Variants in OPRM1 observed in about 807,000 individuals in gnomAD.
OPRM1 encodes mu-type opioid receptor.
Under a neutral mutation model 31.8 loss-of-function variants are expected in OPRM1, and 27 were observed. The ratio of observed to expected loss-of-function variants is 0.85; its 90% CI spans 0.63 to 1.17. The LOEUF (loss-of-function observed/expected upper bound fraction) is 1.17. Among genes scored for constraint, OPRM1 ranks in the 50% most tolerant of loss-of-function variants. The pLI is 0.00. For synonymous variants in OPRM1, 196 were observed against 189.9 expected, an observed-to-expected ratio of 1.03 and a Z score of -0.26; for missense variants, 536 against 511.1, an observed-to-expected ratio of 1.05 and a Z score of -0.47.
intron 3 of OPRM1, among the ~76,000 whole-genome samples, chr6:154,192,916 T>C (rs1310084591): frequency 2.0e-5 from 3 of 152,146 alleles, no homozygotes; most frequent in Non-Finnish European, 4.4e-5. Flanking sequence ...ACACTGCTGG[T>C]GGGAATGTAA....
At chr6:154,012,915 G>T (rs116648115) in intron 1 of OPRM1, among the ~76,000 whole-genome samples, 6,589 of 152,068 alleles carry the variant, frequency 0.043, 297 homozygotes, top group Admixed American at 0.15. Context: ...TCTCATAAGG[G>T]CACTCATCCC....
intron 3 of OPRM1, chr6:154,160,023 C>G: frequency 6.2e-7 from 1 of 1,611,762 alleles, no homozygotes; most frequent in Non-Finnish European, 8.5e-7. Context: ...TAATCATGGC[C>G]AGATCATGTT....
intron 3 of OPRM1, among the ~76,000 whole-genome samples, chr6:154,207,125 G>A (rs569559807): frequency 6.6e-6 from 1 of 152,200 alleles, no homozygotes; most frequent in South Asian, 2.1e-4. Flanking sequence ...TCAGGTCAGG[G>A]CTGATGAGGG....
At chr6:154,200,015 G>A in intron 3 of OPRM1, 1 of 1,613,610 alleles carries the variant, frequency 6.2e-7, no homozygotes, top group Non-Finnish European at 8.5e-7. Flanking sequence ...CAGGCTGGGT[G>A]AGGATGAAGA....
rs957407272 is a variant in OPRM1, at chr6:154,119,646, A to T, written c.*925A>T. Among the ~76,000 whole-genome samples, 13 of 152,182 alleles carry T rather than the reference A, an allele frequency of 8.5e-5. No homozygotes were observed. Among genetic ancestry groups the T allele is most frequent in the African/African-American group, 3.1e-4 (13 of 41,438 alleles). On this transcript the variant is annotated 3_prime_UTR_variant, in exon 4 of 4. Coordinates refer to ENST00000330432, the MANE Select transcript of OPRM1 (RefSeq NM_000914.5). ...TTTTTTAACTCAGCTCAGAATCCTT[A>T]TGCCTTTTGAATCAGTGTGATAAAA... is the stretch of plus-strand genomic sequence containing the variant.
At chr6:154,135,658 G>A (rs1256387800), downstream of OPRM1, among the ~76,000 whole-genome samples, 2 of 152,150 alleles carry the variant, frequency 1.3e-5, no homozygotes, top group Non-Finnish European at 2.9e-5. Context: ...TATATAAAAG[G>A]CTTGGTCCAG....
At chr6:154,202,409 G>A (rs977693436) in intron 3 of OPRM1, among the ~76,000 whole-genome samples, 5 of 152,024 alleles carry the variant, frequency 3.3e-5, no homozygotes, top group Non-Finnish European at 7.4e-5. Context: ...CAAATAAATG[G>A]CAGGAATAGT....
At chr6:154,101,068 A>T (rs1794763526) in intron 3 of OPRM1, among the ~76,000 whole-genome samples, 1 of 151,814 alleles carries the variant, frequency 6.6e-6, no homozygotes, top group Admixed American at 6.6e-5. Flanking sequence ...AAATCCTATG[A>T]AAGATGATAT....
chr6:154,122,206 A>G lies in OPRM1; in HGVS notation c.*3485A>G, dbSNP rs1389520351. 6.6e-6 allele frequency among the ~76,000 whole-genome samples: 1 copy of G among 152,208 alleles called. No homozygotes were observed. Among genetic ancestry groups the G allele is most frequent in the Non-Finnish European group, 1.5e-5 (1 of 68,024 alleles). On this transcript the variant is annotated 3_prime_UTR_variant, in exon 4 of 4. Transcript: ENST00000330432. The stretch of plus-strand genomic sequence containing the variant: ...TCTTGAGGTCAATCAGAACCAAAAA[A>G]TCTGTTGCTGGAAGAAATATTATCC...
intron 3 of OPRM1, chr6:154,222,845 T>G (rs1173162491): frequency 3.0e-6 from 1 of 328,102 alleles, no homozygotes; most frequent in African/African-American, 2.1e-5. Context: ...TGCTTGTTTT[T>G]TCTTTAGTAG....
intron 3 of OPRM1, among the ~76,000 whole-genome samples, chr6:154,228,813 A>C (rs944475758): frequency 6.6e-6 from 1 of 152,218 alleles, no homozygotes; most frequent in African/African-American, 2.4e-5. Flanking sequence ...ACTTGAGGCC[A>C]GACGTTCAAG....
intron 1 of OPRM1, among the ~76,000 whole-genome samples, chr6:154,058,691 G>A (rs968438050): frequency 2.0e-5 from 3 of 152,026 alleles, no homozygotes; most frequent in African/African-American, 4.8e-5. Context: ...CCCATAGAAA[G>A]CATTATCATC....
At chr6:154,108,073 C>T (rs899179997) in intron 3 of OPRM1, 13 of 651,214 alleles carry the variant, frequency 2.0e-5, no homozygotes, top group Non-Finnish European at 3.4e-5. Context: ...GCCAGCATGC[C>T]AGGCTTCTGG....
At chr6:154,134,821 A>G (rs554433025), downstream of OPRM1, among the ~76,000 whole-genome samples, 1 of 152,044 alleles carries the variant, frequency 6.6e-6, no homozygotes, top group Non-Finnish European at 1.5e-5. Flanking sequence ...GTCCTAAAAA[A>G]CCACTATTTG....
intron 3 of OPRM1, among the ~76,000 whole-genome samples, chr6:154,185,621 A>G (rs1801272993): frequency 6.6e-6 from 1 of 152,212 alleles, no homozygotes; most frequent in Non-Finnish European, 1.5e-5. Flanking sequence ...ATTTAGTATC[A>G]AGTTCTATAT....
intron 3 of OPRM1, among the ~76,000 whole-genome samples, chr6:154,152,483 A>C: frequency 6.6e-6 from 1 of 152,072 alleles, no homozygotes; most frequent in East Asian, 1.9e-4. Context: ...CCACTCAGAA[A>C]AGCCCCCTCA....
At chr6:154,097,012 T>C (rs548646) in intron 3 of OPRM1, among the ~76,000 whole-genome samples, 98,636 of 152,124 alleles carry the variant, frequency 0.65, 32,532 homozygotes, top group East Asian at 0.9. Flanking sequence ...GTCTAACCTG[T>C]CTAGCCATTT....
chr6:154,177,335 A>G (rs1800421181), intron 3 of OPRM1, among the ~76,000 whole-genome samples: 1 of 152,270 alleles, frequency 6.6e-6, no homozygotes, highest in Non-Finnish European at 1.5e-5. Flanking sequence ...AGAAACTATC[A>G]TCAAAGTGAA....
intron 1 of OPRM1, among the ~76,000 whole-genome samples, chr6:154,080,601 T>C (rs1788872258): frequency 6.6e-6 from 1 of 152,216 alleles, no homozygotes; most frequent in African/African-American, 2.4e-5. Context: ...TCTCTGTTTT[T>C]TTCTGGAACT....
Sources: allele counts gnomAD v4.1 joint callset (sites outside exome capture counted in the v4.1 genomes callset), GRCh38; gene constraint gnomAD v4.1.1; transcripts MANE v1.5; gene names NCBI Gene and HGNC (gene_info 2026-07-23, HGNC 2026-07-21).